Variants in RSPO2 observed in about 807,000 individuals in gnomAD.
RSPO2 encodes R-spondin-2.
Under a neutral mutation model 30.9 loss-of-function variants are expected in RSPO2, and 14 were observed. The ratio of observed to expected loss-of-function variants is 0.45; its 90% CI spans 0.30 to 0.71. The LOEUF (loss-of-function observed/expected upper bound fraction) is 0.71. RSPO2 is among the 30% of genes least tolerant of loss of function. The pLI, the probability that RSPO2 is intolerant of heterozygous loss-of-function variation, is 0.08. For synonymous variants in RSPO2, 107 were observed against 96.4 expected, an observed-to-expected ratio of 1.11 and a Z score of -0.64; for missense variants, 264 against 301.9, an observed-to-expected ratio of 0.87 and a Z score of 0.93.
intron 2 of RSPO2, among the ~76,000 whole-genome samples, chr8:108,054,326 A>G (rs1186920887): frequency 6.6e-6 from 1 of 152,130 alleles, no homozygotes; most frequent in African/African-American, 2.4e-5. Context: ...TCATTTAGGT[A>G]CCCAAGCTCT....
intron 3 of RSPO2, among the ~76,000 whole-genome samples, chr8:107,969,482 C>A (rs1813924990): frequency 6.6e-6 from 1 of 151,988 alleles, no homozygotes; most frequent in South Asian, 2.1e-4. Context: ...TCTTGCCCAC[C>A]CACATAGAAA....
At chr8:108,079,699 A>G (rs1034639106) in intron 2 of RSPO2, among the ~76,000 whole-genome samples, 7 of 130,988 alleles carry the variant, frequency 5.3e-5, no homozygotes, top group Admixed American at 2.2e-4. Flanking sequence ...TGGAATATGG[A>G]AAAAAAAAAA....
chr8:108,064,180 G>C (rs530038591), intron 2 of RSPO2, among the ~76,000 whole-genome samples: 3 of 152,018 alleles, frequency 2.0e-5, no homozygotes, highest in Admixed American at 6.6e-5. Context: ...TTGACAAATC[G>C]GATCTAATTA....
chr8:107,987,385 T>G (rs1298993075), intron 3 of RSPO2, among the ~76,000 whole-genome samples: 1 of 152,200 alleles, frequency 6.6e-6, no homozygotes, highest in Non-Finnish European at 1.5e-5. Flanking sequence ...ATACCAAGAC[T>G]TCTTAGCCTA....
At chr8:108,016,608 TAC>T (rs1398637650) in intron 2 of RSPO2, among the ~76,000 whole-genome samples, 1 of 152,202 alleles carries the variant, frequency 6.6e-6, no homozygotes, top group African/African-American at 2.4e-5. Context: ...ATTTAACATA[TAC>T]ACACACTATG....
intron 5 of RSPO2, among the ~76,000 whole-genome samples, chr8:107,952,236 C>G (rs149713280): frequency 0.011 from 1,705 of 151,846 alleles, 40 homozygotes; most frequent in African/African-American, 0.038. Context: ...TTCAAAGTGG[C>G]TACTTATGGG....
intron 2 of RSPO2, among the ~76,000 whole-genome samples, chr8:108,008,127 A>G (rs777034768): frequency 6.6e-6 from 1 of 152,218 alleles, no homozygotes; most frequent in Non-Finnish European, 1.5e-5. Context: ...AGATCAGTTC[A>G]TCGCCTTGGT....
intron 5 of RSPO2, among the ~76,000 whole-genome samples, chr8:107,945,775 C>T (rs1157833692): frequency 6.6e-6 from 1 of 152,170 alleles, no homozygotes; most frequent in Non-Finnish European, 1.5e-5. Context: ...CCACCATTAG[C>T]CTGCCCTGTT....
At chr8:107,990,393 C>T (rs765034854) in intron 2 of RSPO2, among the ~76,000 whole-genome samples, 5 of 152,162 alleles carry the variant, frequency 3.3e-5, no homozygotes, top group African/African-American at 4.8e-5. Context: ...AACTCACTAG[C>T]ACTCCTACAC....
intron 5 of RSPO2, among the ~76,000 whole-genome samples, chr8:107,909,447 G>A (rs930749512): frequency 5.3e-5 from 8 of 151,890 alleles, no homozygotes; most frequent in African/African-American, 1.9e-4. Context: ...ATTTTTAGTA[G>A]AGACAGGTTT....
intron 3 of RSPO2, 74 bp from the exon 4 acceptor site, chr8:107,960,891 G>T: frequency 8.6e-7 from 1 of 1,165,936 alleles, no homozygotes; most frequent in South Asian, 1.5e-5. Context: ...TAAAATTTTT[G>T]TAAACTCACA....
intron 5 of RSPO2, among the ~76,000 whole-genome samples, chr8:107,951,046 T>TTTG (rs1554575789): frequency 3.8e-4 from 55 of 146,568 alleles, no homozygotes; most frequent in African/African-American, 1.4e-3. Context: ...AGAATAAGTT[T>TTTG]TTTTTTGTTG....
intron 3 of RSPO2, among the ~76,000 whole-genome samples, chr8:107,973,165 G>A (rs549639788): frequency 2.5e-4 from 38 of 151,816 alleles, no homozygotes; most frequent in Admixed American, 1.4e-3. Flanking sequence ...AGCTACCCAG[G>A]AGGCTGAGCC....
At chr8:108,060,529 C>G (rs1015067696) in intron 2 of RSPO2, among the ~76,000 whole-genome samples, 1 of 151,668 alleles carries the variant, frequency 6.6e-6, no homozygotes, top group South Asian at 2.1e-4. Context: ...AAATATGGGA[C>G]TATGTGAAAA....
chr8:107,965,464 G>A (rs1813770130), intron 3 of RSPO2, among the ~76,000 whole-genome samples: 2 of 152,216 alleles, frequency 1.3e-5, no homozygotes, highest in South Asian at 4.2e-4. Flanking sequence ...CATTCTCCAG[G>A]AACCTAGTAT....
At chr8:107,942,831 G>T (rs906743490) in intron 5 of RSPO2, among the ~76,000 whole-genome samples, 1 of 152,174 alleles carries the variant, frequency 6.6e-6, no homozygotes, top group Non-Finnish European at 1.5e-5. Flanking sequence ...GCATTCAAAG[G>T]TATAAAATGA....
Position 107,901,017 on chromosome 8 carries a change from T to G in RSPO2, c.*58A>C. 6.3e-7 allele frequency: 1 copy of G among 1,582,698 alleles called. No homozygotes were observed. The highest frequency in any genetic ancestry group is 1.4e-5 in the African/African-American group (1 of 73,786). On this transcript the variant is annotated 3_prime_UTR_variant, in exon 6 of 6. Coordinates refer to ENST00000276659, the MANE Select transcript of RSPO2 (RefSeq NM_178565.5). ...CACACCAGTGTGCAGGAGTGGAGAG[T>G]AGCTTTGTGCACATTTGCAAAAACA...
rs1488688817 is a variant in RSPO2, at chr8:108,081,849, C to A, written c.94+696G>T. 6 of 953,846 alleles carry A rather than the reference C, an allele frequency of 6.3e-6. No individual in the cohort carries two copies. The East Asian group carries it at 6.9e-4, about 110-fold the overall frequency. The allele number at this position is 953,846 out of a possible 1,614,324, so 59.1% of individuals were successfully genotyped here. The stretch of plus-strand genomic sequence containing the variant: ...AGCAAATGGAGAGAGCGAAGTGGGG[C>A]CTGTTTTAAAAACAAACCTCTGGAG... On this transcript the variant is annotated intron_variant, in intron 2 of 5. Coordinates refer to ENST00000276659, the MANE Select transcript of RSPO2 (RefSeq NM_178565.5).
chr8:108,079,698 G>GAA (rs745317222), intron 2 of RSPO2, among the ~76,000 whole-genome samples: 35 of 133,214 alleles, frequency 2.6e-4, no homozygotes, highest in South Asian at 1.2e-3. Flanking sequence ...ATGGAATATG[G>GAA]AAAAAAAAAA....
Sources: gnomAD v4.1 joint callset for allele counts (sites outside exome capture counted in the v4.1 genomes callset) on GRCh38, gnomAD v4.1.1 for gene constraint, MANE v1.5 for transcripts, NCBI Gene and HGNC (gene_info 2026-07-23, HGNC 2026-07-21) for gene names.